Variants in BAZ2B observed in about 807,000 individuals in gnomAD.
BAZ2B encodes bromodomain adjacent to zinc finger domain protein 2B.
A neutral mutation model predicts 246.0 loss-of-function variants in BAZ2B; 91 were observed. The observed-to-expected ratio is 0.37, with a 90% CI of 0.31 to 0.44. The LOEUF is 0.44. BAZ2B is among the 20% of genes least tolerant of loss of function. The pLI is 1.00. For missense variants in BAZ2B, 2,332 were observed against 2,533.7 expected (o/e 0.92, Z 1.71); for synonymous variants, 855 against 860.0 (o/e 0.99, Z 0.10).
chr2:159,478,794 T>C, intron 2 of BAZ2B, 73 bp from the exon 3 acceptor site: 2 of 1,135,358 alleles, frequency 1.8e-6, no homozygotes, highest in Non-Finnish European at 2.3e-6. Flanking sequence ...CATAAACTTT[T>C]TGTATACTTT....
chr2:159,691,772 G>T, the BAZ2B span, among the ~76,000 whole-genome samples: 1 of 152,186 alleles, frequency 6.6e-6, no homozygotes, highest in Non-Finnish European at 1.5e-5. Context: ...AATTGCAAAA[G>T]ATCACTTTTT....
At chr2:159,525,362 G>T (rs184130623) in intron 2 of BAZ2B, among the ~76,000 whole-genome samples, 96 of 152,266 alleles carry the variant, frequency 6.3e-4, no homozygotes, top group African/African-American at 2.2e-3. Flanking sequence ...CCTATAACAC[G>T]CAAGAGTTAA....
At chr2:159,684,955 A>C in the BAZ2B span, among the ~76,000 whole-genome samples, 2 of 152,202 alleles carry the variant, frequency 1.3e-5, no homozygotes, top group African/African-American at 4.8e-5. Context: ...AGCTGTCCTC[A>C]TCATGCTTAC....
At chr2:159,673,419 C>T in the BAZ2B span, among the ~76,000 whole-genome samples, 1 of 152,066 alleles carries the variant, frequency 6.6e-6, no homozygotes, top group African/African-American at 2.4e-5. Context: ...ATATAAAATG[C>T]TATAATCTCT....
At chr2:159,624,394 T>G in the BAZ2B span, among the ~76,000 whole-genome samples, 1 of 152,160 alleles carries the variant, frequency 6.6e-6, no homozygotes, top group Non-Finnish European at 1.5e-5. Flanking sequence ...TGCCTCCTGA[T>G]GGGGAGACAC....
chr2:159,333,555 G>GT (rs1056766642), intron 33 of BAZ2B, among the ~76,000 whole-genome samples: 5 of 151,918 alleles, frequency 3.3e-5, no homozygotes, highest in Non-Finnish European at 7.4e-5. Flanking sequence ...CATTAACACT[G>GT]TTTTTTGACA....
chr2:159,446,012 G>A (rs533260280), intron 6 of BAZ2B, among the ~76,000 whole-genome samples: 2 of 152,286 alleles, frequency 1.3e-5, no homozygotes, highest in East Asian at 3.9e-4. Context: ...TTCTAGGGAA[G>A]CTAAGGTGGG....
the BAZ2B span, among the ~76,000 whole-genome samples, chr2:159,658,224 T>C: frequency 6.6e-6 from 1 of 152,264 alleles, no homozygotes; most frequent in Non-Finnish European, 1.5e-5. Context: ...ATGAATTTCA[T>C]TAACTGATCT....
chr2:159,688,415 T>C, the BAZ2B span, among the ~76,000 whole-genome samples: 1 of 152,194 alleles, frequency 6.6e-6, no homozygotes, highest in Non-Finnish European at 1.5e-5. Flanking sequence ...ACATTTAACT[T>C]ATCAGTCTCT....
rs2079551144 is a variant in BAZ2B, at chr2:159,484,070, G to A, written c.-2-5349C>T. Among the ~76,000 whole-genome samples, 4 of 152,144 alleles carry A rather than the reference G, an allele frequency of 2.6e-5. No homozygotes were observed. The South Asian group carries it at 6.2e-4, about 24-fold the overall frequency. On this transcript the variant is annotated intron_variant, in intron 2 of 36. Transcript: ENST00000392783. ...GTGACATTTTCGGTTGTCACAACTG[G>A]AAAAGTGCTAATGGCATTGAGTGGA...
intron 27 of BAZ2B, among the ~76,000 whole-genome samples, chr2:159,371,270 G>C (rs1243676515): frequency 6.6e-6 from 1 of 152,106 alleles, no homozygotes; most frequent in African/African-American, 2.4e-5. Flanking sequence ...AGCCTCCAGA[G>C]TAGCTGGGAC....
chr2:159,552,182 T>C (rs139350024), intron 2 of BAZ2B, among the ~76,000 whole-genome samples: 84 of 152,302 alleles, frequency 5.5e-4, no homozygotes, highest in African/African-American at 2.0e-3. Flanking sequence ...GATGTTGCCA[T>C]TCTAGTTCTC....
At chr2:159,604,952 G>GTGTGCA (rs200705124) in intron 1 of BAZ2B, among the ~76,000 whole-genome samples, 77 of 44,352 alleles carry the variant, frequency 1.7e-3, no homozygotes, top group Admixed American at 4.8e-3. Context: ...GTGTGTGTGT[G>GTGTGCA]CGCGTGTGTG....
chr2:159,522,975 C>G (rs1470878545), intron 2 of BAZ2B, among the ~76,000 whole-genome samples: 1 of 152,068 alleles, frequency 6.6e-6, no homozygotes, highest in African/African-American at 2.4e-5. Context: ...GTTAAAAATG[C>G]AGAATCTTGG....
the BAZ2B span, among the ~76,000 whole-genome samples, chr2:159,677,728 C>A: frequency 2.0e-5 from 3 of 152,152 alleles, no homozygotes; most frequent in Non-Finnish European, 4.4e-5. Flanking sequence ...TAGAGGACTT[C>A]ATTCTTAATT....
chr2:159,517,879 T>C (rs1368363131), intron 2 of BAZ2B, among the ~76,000 whole-genome samples: 1 of 152,160 alleles, frequency 6.6e-6, no homozygotes, highest in Non-Finnish European at 1.5e-5. Flanking sequence ...CAATGACACA[T>C]GAAATAGCAA....
Position 159,424,141 on chromosome 2 carries a change from TC to T in BAZ2B, c.2466+3799del, listed in dbSNP as rs200956351. On this transcript the variant is annotated intron_variant, in intron 13 of 36. Transcript: ENST00000392783. ...TTACTTTTTAAAGAAAAAAGTTTTT[TC>T]AATTATGGGCTTTTTTTCTTTAAAA... is the stretch of plus-strand genomic sequence containing the variant. Among the ~76,000 whole-genome samples, 1,049 of 152,332 alleles carry T rather than the reference TC, an allele frequency of 6.9e-3. 14 individuals are homozygous for T. Among genetic ancestry groups the T allele is most frequent in the African/African-American group, 0.024 (993 of 41,576 alleles).
chr2:159,683,323 C>T, the BAZ2B span, among the ~76,000 whole-genome samples: 8 of 152,138 alleles, frequency 5.3e-5, no homozygotes, highest in African/African-American at 1.9e-4. Context: ...TGGTATCAAA[C>T]CTCCTGGGCT....
intron 18 of BAZ2B, 55 bp from the exon 19 acceptor site, chr2:159,397,444 T>C: frequency 1.8e-6 from 2 of 1,128,394 alleles, no homozygotes; most frequent in Admixed American, 2.5e-5. Context: ...TAGAACATGC[T>C]AAAAGTATTA....
Sources: allele counts gnomAD v4.1 joint callset (sites outside exome capture counted in the v4.1 genomes callset), GRCh38; gene constraint gnomAD v4.1.1; transcripts MANE v1.5; gene names NCBI Gene and HGNC (gene_info 2026-07-23, HGNC 2026-07-21).